The following GTF2E1 variants were observed in gnomAD, a reference collection of about 807,000 sequenced individuals.
The protein encoded by GTF2E1 is TFIIE alpha subunit.
A neutral mutation model predicts 34.9 loss-of-function variants in GTF2E1; 14 were observed. The observed-to-expected ratio is 0.40, with a 90% CI of 0.27 to 0.63. GTF2E1 has a LOEUF of 0.63. Ranked by LOEUF, GTF2E1 falls within the 20% of genes least tolerant of loss-of-function variation. The pLI is 0.39. For synonymous variants in GTF2E1, 188 were observed against 192.9 expected (o/e 0.97, Z 0.21); for missense variants, 469 against 557.7 (o/e 0.84, Z 1.60).
intron 3 of GTF2E1, 71 bp downstream of exon 3, chr3:120,771,000 G>A: frequency 2.4e-6 from 3 of 1,255,234 alleles, no homozygotes. Flanking sequence ...CCTGTACCTT[G>A]GAGAACAAGA....
At chr3:120,766,059 A>T (rs180780810) in intron 2 of GTF2E1, among the ~76,000 whole-genome samples, 71 of 152,326 alleles carry the variant, frequency 4.7e-4, no homozygotes, top group African/African-American at 1.6e-3. Context: ...GTCTATGTAC[A>T]CTACTTAGTG....
rs113990838 is a variant in GTF2E1 at position 120,781,737 on chromosome 3, T to C, written c.*267T>C. 9.3e-3 allele frequency: 2,820 copies of C among 303,302 alleles called. 93 individuals carry two copies. The highest frequency in any genetic ancestry group is 0.061 in the African/African-American group (2,651 of 43,336). 18.8% of individuals were successfully genotyped at this position (303,302 alleles called of 1,614,324 possible). Reference sequence around the variant, plus strand: ...TTTCTTTTTTTTTTTTTTTTGGAGATGAAGTCTCACTCTTGTACCCCAGGC... The same window carrying C: ...TTTCTTTTTTTTTTTTTTTTGGAGACGAAGTCTCACTCTTGTACCCCAGGC... On this transcript the variant is annotated 3_prime_UTR_variant, in exon 5 of 5. Coordinates refer to ENST00000283875, the MANE Select transcript of GTF2E1 (RefSeq NM_005513.3).
rs934584371 is a variant in GTF2E1 at position 120,782,298 on chromosome 3, T to C, written c.*828T>C. On this transcript the variant is annotated 3_prime_UTR_variant, in exon 5 of 5. Transcript: ENST00000283875. The stretch of plus-strand genomic sequence containing the variant: ...ATATGTAAGGGGAGGTGGGAGCGTG[T>C]GTGGAAGGGGGAGAGATATACTTGA... 1.3e-5 allele frequency: 2 copies of C among 152,116 alleles called. No homozygotes were observed. The highest frequency in any genetic ancestry group is 4.8e-5 in the African/African-American group (2 of 41,410). The allele number at this position is 152,116 out of a possible 1,614,324, so 9.4% of individuals were successfully genotyped here.
At chr3:120,773,527 A>G (rs763857914) in intron 3 of GTF2E1, among the ~76,000 whole-genome samples, 1 of 152,174 alleles carries the variant, frequency 6.6e-6, no homozygotes, top group South Asian at 2.1e-4. Flanking sequence ...GAATTGATGG[A>G]CAATTCTATC....
At chr3:120,745,198 A>T (rs1463808948) in intron 1 of GTF2E1, among the ~76,000 whole-genome samples, 1 of 152,190 alleles carries the variant, frequency 6.6e-6, no homozygotes, top group East Asian at 1.9e-4. Flanking sequence ...CACTGTAGCC[A>T]CTGCACTTGG....
At chr3:120,780,378 G>T (rs1368799430) in intron 4 of GTF2E1, among the ~76,000 whole-genome samples, 1 of 152,186 alleles carries the variant, frequency 6.6e-6, no homozygotes, top group Non-Finnish European at 1.5e-5. Flanking sequence ...AGACATGAAA[G>T]ATGGAAGGGA....
At chr3:120,776,242 C>T (rs756438122) in intron 3 of GTF2E1, among the ~76,000 whole-genome samples, 181 bp from the exon 4 acceptor site, 1 of 152,132 alleles carries the variant, frequency 6.6e-6, no homozygotes, top group African/African-American at 2.4e-5. Flanking sequence ...TTTTCTAACG[C>T]ATACAACTTT....
At chr3:120,764,864 G>A (rs1400087490) in intron 2 of GTF2E1, among the ~76,000 whole-genome samples, 3 of 151,984 alleles carry the variant, frequency 2.0e-5, no homozygotes, top group African/African-American at 7.2e-5. Context: ...TAACATGTTT[G>A]TTAAAATGAA....
At chr3:120,765,643 A>G (rs777465371) in intron 2 of GTF2E1, among the ~76,000 whole-genome samples, 4 of 152,232 alleles carry the variant, frequency 2.6e-5, no homozygotes, top group African/African-American at 9.6e-5. Context: ...TTTTCAAGCT[A>G]TGACTTGGTA....
chr3:120,769,135 G>A (rs1012653947), intron 2 of GTF2E1, among the ~76,000 whole-genome samples: 2 of 149,758 alleles, frequency 1.3e-5, no homozygotes, highest in African/African-American at 4.9e-5. Flanking sequence ...GTTAGCATTT[G>A]TAATTAGTTG....
intron 2 of GTF2E1, among the ~76,000 whole-genome samples, chr3:120,770,288 A>G (rs1466761946): frequency 6.6e-6 from 1 of 152,146 alleles, no homozygotes; most frequent in Non-Finnish European, 1.5e-5. Context: ...ATAGCCTGTG[A>G]CAATGTTCAG....
rs1418000978 is a variant in GTF2E1, at chr3:120,776,958, C to G, written c.892+294C>G. Among the ~76,000 whole-genome samples the G allele has an allele frequency of 1.3e-5, 2 of 152,092 alleles. 1 individual carries two copies. Among genetic ancestry groups the G allele is most frequent in the Middle Eastern group, 6.4e-3 (2 of 314 alleles). On this transcript the variant is annotated intron_variant, in intron 4 of 4. Transcript: ENST00000283875. ...ATGCTATCTGTTGTTTTCAAGGTAG[C>G]CATACTCACCTTTCCTTTAATCTTA...
intron 2 of GTF2E1, among the ~76,000 whole-genome samples, chr3:120,767,529 C>T (rs1709319733): frequency 6.6e-6 from 1 of 152,286 alleles, no homozygotes; most frequent in Admixed American, 6.5e-5. Context: ...TTACCTGGCC[C>T]TTCTATCGCA....
intron 2 of GTF2E1, among the ~76,000 whole-genome samples, chr3:120,768,209 A>C (rs77594980): frequency 0.014 from 2,207 of 152,320 alleles, 19 homozygotes; most frequent in Non-Finnish European, 0.025. Flanking sequence ...TGGACAAGAC[A>C]GTTGAAATTT....
chr3:120,757,024 G>A (rs1159103385), intron 2 of GTF2E1, among the ~76,000 whole-genome samples: 1 of 152,178 alleles, frequency 6.6e-6, no homozygotes, highest in Non-Finnish European at 1.5e-5. Context: ...TTTGTGAAGA[G>A]TTGCTTTTTA....
At chr3:120,750,388 G>C (rs1709154306) in intron 1 of GTF2E1, 135 bp from the exon 2 acceptor site, 1 of 597,206 alleles carries the variant, frequency 1.7e-6, no homozygotes, top group Admixed American at 3.0e-5. Context: ...GGAAAATCTT[G>C]TTCTGCTCTG....
Position 120,776,427 on chromosome 3 carries a change from G to A in GTF2E1, c.655G>A (p.Asp219Asn), listed in dbSNP as rs1337546018. Reference sequence around the variant, plus strand: ...TCCTCTATTCTTTTTATATAGCAAGGACCATGCAGCAACTACTGCTGGAGC... The same window carrying A: ...TCCTCTATTCTTTTTATATAGCAAGAACCATGCAGCAACTACTGCTGGAGC... ...TEIPALKQSK[D>N]HAATTAGAAS... is the part of the protein sequence containing the mutation. Residue 219 changes from aspartate (D) to asparagine (N), a missense_variant, in exon 4 of 5, where the codon GAC becomes AAC. By Grantham distance (23) the Asp-to-Asn change is conservative. Coordinates refer to ENST00000283875, the MANE Select transcript of GTF2E1 (RefSeq NM_005513.3). The A allele has an allele frequency of 6.2e-7, 1 of 1,612,266 alleles. No individual in the cohort carries two copies. The highest frequency in any genetic ancestry group is 8.5e-7 in the Non-Finnish European group (1 of 1,179,424).
intron 2 of GTF2E1, among the ~76,000 whole-genome samples, chr3:120,751,758 C>G (rs1317540760): frequency 6.6e-6 from 1 of 152,100 alleles, no homozygotes; most frequent in Non-Finnish European, 1.5e-5. Flanking sequence ...GCTAAATACT[C>G]GATCAATTTT....
chr3:120,745,329 C>T (rs748368383), intron 1 of GTF2E1, among the ~76,000 whole-genome samples: 6 of 152,124 alleles, frequency 3.9e-5, no homozygotes, highest in Non-Finnish European at 7.3e-5. Flanking sequence ...GTCCTCATAT[C>T]ACTCCCTTAT....
Sources: allele counts gnomAD v4.1 joint callset (sites outside exome capture counted in the v4.1 genomes callset), GRCh38; gene constraint gnomAD v4.1.1; transcripts MANE v1.5; gene names NCBI Gene and HGNC (gene_info 2026-07-23, HGNC 2026-07-21).